The following TEX11 variants were observed in gnomAD, a reference collection of about 807,000 sequenced individuals.
TEX11 encodes testis-expressed protein 11.
In TEX11, 7 loss-of-function variants were observed where a neutral mutation model predicts 84.4. That is an observed-to-expected ratio of 0.08 (90% CI 0.05 to 0.16). TEX11 has a LOEUF of 0.16. TEX11 is among the 10% of genes least tolerant of loss of function. TEX11 has a pLI of 1.00. For missense variants in TEX11, 551 were observed against 660.5 expected, an observed-to-expected ratio of 0.83 and a Z score of 1.82; for synonymous variants, 264 against 222.8, an observed-to-expected ratio of 1.18 and a Z score of -1.64.
intron 28 of TEX11, among the ~76,000 whole-genome samples, chrX:70,547,660 A>G (rs2088149823): frequency 8.9e-6 from 1 of 112,488 alleles, no homozygotes; most frequent in African/African-American, 3.2e-5. Flanking sequence ...CAAAATACAC[A>G]TGAAAAAATG....
chrX:70,515,277 C>A, the TEX11 span, among the ~76,000 whole-genome samples: 4 of 105,003 alleles, frequency 3.8e-5, no homozygotes, highest in East Asian at 2.9e-4. Context: ...CACCCCCCCC[C>A]ACCCCACAAC....
intron 28 of TEX11, among the ~76,000 whole-genome samples, chrX:70,530,620 T>C (rs964912045): frequency 8.9e-6 from 1 of 111,865 alleles, no homozygotes; most frequent in Non-Finnish European, 1.9e-5. Context: ...GGTTCTTGCA[T>C]AGGAGATGGA....
chrX:70,762,168 T>A (rs769790898), intron 9 of TEX11, among the ~76,000 whole-genome samples: 2 of 111,823 alleles, frequency 1.8e-5, no homozygotes, highest in East Asian at 5.6e-4. Flanking sequence ...AGAGAGTACT[T>A]CAATCAGAAA....
intron 7 of TEX11, among the ~76,000 whole-genome samples, chrX:70,846,767 T>C (rs762107789): frequency 2.7e-5 from 3 of 111,023 alleles, no homozygotes; most frequent in Non-Finnish European, 3.8e-5. Flanking sequence ...CTACTAAAAA[T>C]ACAAAAATTA....
At chrX:70,666,088 T>C (rs760599790) in intron 16 of TEX11, among the ~76,000 whole-genome samples, 1 of 111,811 alleles carries the variant, frequency 8.9e-6, no homozygotes, top group East Asian at 2.8e-4. Context: ...AGATAAGATA[T>C]GGTCTCTGTC....
chrX:70,610,043 T>G (rs2089240278), intron 21 of TEX11, among the ~76,000 whole-genome samples: 1 of 108,445 alleles, frequency 9.2e-6, no homozygotes, highest in African/African-American at 3.4e-5. Flanking sequence ...AGAGTATTTT[T>G]ATTTGTCTTG....
At chrX:70,840,501 A>G (rs2147840411) in intron 7 of TEX11, among the ~76,000 whole-genome samples, 1 of 112,077 alleles carries the variant, frequency 8.9e-6, no homozygotes, top group African/African-American at 3.2e-5. Flanking sequence ...GAAAGGAACA[A>G]CTGGTACCAG....
chrX:70,626,649 C>T (rs182467481), intron 18 of TEX11, among the ~76,000 whole-genome samples: 78 of 111,922 alleles, frequency 7.0e-4, no homozygotes, highest in African/African-American at 2.1e-3. Flanking sequence ...GGCAAAACCT[C>T]AACTCTGATT....
At chrX:70,529,436 C>T (rs2087856235) in intron 29 of TEX11, among the ~76,000 whole-genome samples, 1 of 112,128 alleles carries the variant, frequency 8.9e-6, no homozygotes, top group Non-Finnish European at 1.9e-5. Context: ...CAAACCTCTC[C>T]TGGTTAGCCA....
chrX:70,829,478 T>C (rs1430653833), intron 8 of TEX11, among the ~76,000 whole-genome samples: 1 of 37,775 alleles, frequency 2.6e-5, no homozygotes, highest in Non-Finnish European at 4.1e-5. Context: ...CAACATTCCG[T>C]CTCAAAAAAA....
intron 13 of TEX11, among the ~76,000 whole-genome samples, chrX:70,718,407 C>T (rs1321397016): frequency 4.5e-5 from 5 of 111,860 alleles, no homozygotes; most frequent in Non-Finnish European, 9.4e-5. Context: ...AAAAGTAAGC[C>T]GGATTATTCC....
At chrX:70,781,693 G>A (rs759269182) in intron 9 of TEX11, among the ~76,000 whole-genome samples, 5 of 111,830 alleles carry the variant, frequency 4.5e-5, no homozygotes, top group Middle Eastern at 4.6e-3. Flanking sequence ...TAGCTGATTC[G>A]ATCAAGTGGA....
chrX:70,796,223 G>C (rs965283003), intron 9 of TEX11, among the ~76,000 whole-genome samples: 1 of 111,983 alleles, frequency 8.9e-6, no homozygotes, highest in African/African-American at 3.2e-5. Context: ...ACTGATATCA[G>C]AGTATCTTAA....
At chrX:70,588,571 T>A (rs758254110) in intron 25 of TEX11, among the ~76,000 whole-genome samples, 6 of 111,680 alleles carry the variant, frequency 5.4e-5, no homozygotes, top group Non-Finnish European at 1.1e-4. Flanking sequence ...CAATTAAACC[T>A]CTTTCCTTTA....
chrX:70,885,907 AAAAGAAAGAAAGAAAG>A (rs749319210), intron 2 of TEX11, among the ~76,000 whole-genome samples: 1 of 107,682 alleles, frequency 9.3e-6, no homozygotes, highest in East Asian at 2.9e-4. Context: ...AAAAAAAAGA[AAAAGAAAGAAAGAAAG>A]AAAGAAAGAA....
intron 13 of TEX11, among the ~76,000 whole-genome samples, chrX:70,687,185 C>T (rs73220886): frequency 0.032 from 3,547 of 111,467 alleles, 54 homozygotes; most frequent in Non-Finnish European, 0.047. Context: ...CACAGACACA[C>T]ACACACACTC....
chrX:70,614,310 C>T (rs2089294669), intron 20 of TEX11, among the ~76,000 whole-genome samples: 1 of 111,101 alleles, frequency 9.0e-6, no homozygotes, highest in Non-Finnish European at 1.9e-5. Context: ...AGAGGGGAGC[C>T]CACTGCCCTG....
At chrX:70,688,107 A>G (rs1414141604) in intron 13 of TEX11, among the ~76,000 whole-genome samples, 1 of 111,451 alleles carries the variant, frequency 9.0e-6, no homozygotes, top group African/African-American at 3.3e-5. Context: ...AATATTTGGG[A>G]AAAAACATAA....
chrX:70,639,068 A>C (rs2089611734), intron 17 of TEX11, among the ~76,000 whole-genome samples: 2 of 110,984 alleles, frequency 1.8e-5, no homozygotes, highest in Admixed American at 9.5e-5. Flanking sequence ...ACCGTGCGCT[A>C]GCCGAAGCAG....
Sources: gnomAD v4.1 joint callset for allele counts (sites outside exome capture counted in the v4.1 genomes callset) on GRCh38, gnomAD v4.1.1 for gene constraint, MANE v1.5 for transcripts, NCBI Gene and HGNC (gene_info 2026-07-23, HGNC 2026-07-21) for gene names.